The following PRH1 variants were observed in gnomAD, a reference collection of about 807,000 sequenced individuals.
The protein encoded by PRH1 is salivary acidic proline-rich phosphoprotein 1/2.
A neutral mutation model predicts 7.9 loss-of-function variants in PRH1; 7 were observed. The ratio of observed to expected loss-of-function variants is 0.89; its 90% CI spans 0.50 to 1.67. PRH1 has a LOEUF of 1.67. Among genes scored for constraint, PRH1 ranks in the 40% most tolerant of loss-of-function variants. PRH1 has a pLI of 0.00. For synonymous variants in PRH1, 45 were observed against 80.8 expected (o/e 0.56, Z 2.38); for missense variants, 109 against 223.6 (o/e 0.49, Z 3.27).
In PRH1 at chr12:11,077,955, G is replaced by T; in HGVS notation, n.124-30767C>A. 4.9e-6 allele frequency: 4 copies of T among 815,724 alleles called. No homozygotes were observed. In the Admixed American group the frequency reaches 8.7e-5, roughly 18 times the overall value. 50.5% of individuals were successfully genotyped at this position (815,724 alleles called of 1,614,324 possible). On this transcript the variant is annotated intron_variant and non_coding_transcript_variant, in intron 1 of 4. Coordinates refer to the PRH1 transcript ENST00000541977. ...ATATGCTGAGGCTAGCAGCAAGCCA[G>T]ATGCTGAAATGGTTGATTATTGCTG...
intron 1 of PRH1, among the ~76,000 whole-genome samples, chr12:11,070,837 C>G (rs1162043799): frequency 1.2e-4 from 12 of 103,608 alleles, no homozygotes; most frequent in Non-Finnish European, 2.0e-4. Flanking sequence ...GTGTTATTTG[C>G]GTTGGCTTTT....
At chr12:10,987,197 T>C (rs1016497874) in intron 1 of PRH1, among the ~76,000 whole-genome samples, 1 of 152,122 alleles carries the variant, frequency 6.6e-6, no homozygotes, top group Non-Finnish European at 1.5e-5. Flanking sequence ...AAAGACATAT[T>C]CTCTTTCAAT....
downstream of PRH1, among the ~76,000 whole-genome samples, chr12:11,118,736 G>A (rs935096096): frequency 2.6e-5 from 4 of 151,926 alleles, no homozygotes; most frequent in Non-Finnish European, 5.9e-5. Flanking sequence ...GGCTGACACC[G>A]GTAATCCCAG....
intron 2 of PRH1, among the ~76,000 whole-genome samples, chr12:10,896,526 C>A (rs149049633): frequency 1.3e-5 from 2 of 152,084 alleles, no homozygotes; most frequent in Non-Finnish European, 2.9e-5. Context: ...CTTTGGAAGG[C>A]CAAGGCAGGT....
chr12:10,942,128 G>T (rs750829835), intron 2 of PRH1, among the ~76,000 whole-genome samples: 1 of 152,138 alleles, frequency 6.6e-6, no homozygotes, highest in South Asian at 2.1e-4. Flanking sequence ...GAGGTGGCAG[G>T]GGGGTGAAAT....
chr12:10,933,790 G>A (rs373896660), intron 2 of PRH1, among the ~76,000 whole-genome samples: 9 of 151,848 alleles, frequency 5.9e-5, no homozygotes, highest in African/African-American at 2.2e-4. Context: ...TAATAAAAAG[G>A]CACAAAGAAA....
At chr12:11,037,727 C>CCG in intron 1 of PRH1, among the ~76,000 whole-genome samples, 1 of 152,198 alleles carries the variant, frequency 6.6e-6, no homozygotes, top group Non-Finnish European at 1.5e-5. Flanking sequence ...CTTATCTCTC[C>CCG]TTTTTTAAAA....
chr12:10,918,001 A>G (rs1414443273), intron 2 of PRH1, among the ~76,000 whole-genome samples: 1 of 152,216 alleles, frequency 6.6e-6, no homozygotes, highest in East Asian at 1.9e-4. Flanking sequence ...CAGAAACATT[A>G]GGTCTTTATA....
At chr12:10,982,073 A>G (rs1189411065) in intron 1 of PRH1, among the ~76,000 whole-genome samples, 1 of 152,076 alleles carries the variant, frequency 6.6e-6, no homozygotes, top group Admixed American at 6.6e-5. Flanking sequence ...TAATGAGTTC[A>G]TCGTAGTTAC....
rs1403497843 is a variant in PRH1, at chr12:11,090,978, G to A, written n.124-43790C>T. On this transcript the variant is annotated intron_variant and non_coding_transcript_variant, in intron 1 of 4. Coordinates refer to the PRH1 transcript ENST00000541977. ...CAAATGAAATAAAAAATACATGAAT[G>A]AAATAAACATGGCTTCAAAATTCTA... Among the ~76,000 whole-genome samples the A allele has an allele frequency of 2.8e-5, 3 of 108,162 alleles. 1 individual carries two copies. Among genetic ancestry groups the A allele is most frequent in the Non-Finnish European group, 6.5e-5 (3 of 46,416 alleles). 71.0% of individuals were successfully genotyped at this position (108,162 alleles called of 152,430 possible). A position where few individuals can be genotyped will look rare whatever the true frequency, so the allele number is the denominator to read the frequency against.
intron 1 of PRH1, among the ~76,000 whole-genome samples, chr12:10,988,034 T>C (rs1321149357): frequency 6.6e-6 from 1 of 152,094 alleles, no homozygotes; most frequent in African/African-American, 2.4e-5. Context: ...ACCTGGCTAG[T>C]ACACTGTTTT....
At chr12:11,143,678 A>G (rs1946775428) in intron 1 of PRH1, among the ~76,000 whole-genome samples, 1 of 152,210 alleles carries the variant, frequency 6.6e-6, no homozygotes, top group African/African-American at 2.4e-5. Flanking sequence ...AAAAAAGAGG[A>G]ATAGCTATAC....
intron 1 of PRH1, among the ~76,000 whole-genome samples, chr12:11,094,157 C>T (rs1223772691): frequency 8.9e-6 from 1 of 112,064 alleles, no homozygotes; most frequent in African/African-American, 3.0e-5. Flanking sequence ...CAAAAATTAG[C>T]AGGGCATGGT....
At chr12:10,994,422 C>A (rs1350905113) in intron 1 of PRH1, among the ~76,000 whole-genome samples, 3 of 152,216 alleles carry the variant, frequency 2.0e-5, no homozygotes, top group Non-Finnish European at 4.4e-5. Flanking sequence ...CCTCTCGCAG[C>A]CCTTCTGAAA....
chr12:11,068,995 G>A (rs1417407210), intron 1 of PRH1, among the ~76,000 whole-genome samples: 1 of 148,060 alleles, frequency 6.8e-6, no homozygotes, highest in Non-Finnish European at 1.5e-5. Context: ...GCTCTCCACT[G>A]CTCTCTACAG....
At chr12:11,066,969 A>G (rs1943847987) in intron 1 of PRH1, among the ~76,000 whole-genome samples, 1 of 152,210 alleles carries the variant, frequency 6.6e-6, no homozygotes, top group African/African-American at 2.4e-5. Flanking sequence ...GCATTTTTCA[A>G]TATGAATATA....
At position 10,938,793 on chromosome 12, in the gene PRH1, C is replaced by A. The variant is rs375453508; in HGVS notation, c.-59+34862G>T. On this transcript the variant is annotated intron_variant, in intron 2 of 3. Coordinates refer to the PRH1 transcript ENST00000539853. ...AGTGCAATATTTAAAAACAAGAAGA[C>A]CGAAGTCACAAGAAGCAGCACCAAA... 9 of 1,613,194 alleles carry A rather than the reference C, an allele frequency of 5.6e-6. No individual in the cohort carries two copies. In the African/African-American group the frequency reaches 1.1e-4, roughly 19 times the overall value.
intron 3 of PRH1, among the ~76,000 whole-genome samples, 188 bp from the exon 4 acceptor site, chr12:10,881,244 T>C (rs550174805): frequency 6.6e-6 from 1 of 152,336 alleles, no homozygotes; most frequent in South Asian, 2.1e-4. Context: ...TTGCACATAA[T>C]GTGATTTAAA....
chr12:11,165,551 C>G (rs1769271413), intron 1 of PRH1, among the ~76,000 whole-genome samples: 1 of 152,128 alleles, frequency 6.6e-6, no homozygotes, highest in Admixed American at 6.5e-5. Flanking sequence ...ACACATTAAT[C>G]ATAATTATTT....
Sources: gnomAD v4.1 joint callset for allele counts (sites outside exome capture counted in the v4.1 genomes callset) on GRCh38, gnomAD v4.1.1 for gene constraint, MANE v1.5 for transcripts, NCBI Gene and HGNC (gene_info 2026-07-23, HGNC 2026-07-21) for gene names.